The following EFCAB13 variants were observed in gnomAD, a reference collection of about 807,000 sequenced individuals.
EFCAB13 encodes EF-hand calcium-binding domain-containing protein 13.
In EFCAB13, 91 loss-of-function variants were observed where a neutral mutation model predicts 110.2. That is an observed-to-expected ratio of 0.83 (90% CI 0.70 to 0.98). The LOEUF is 0.98. Among genes scored for constraint, EFCAB13 ranks in the 50% least tolerant of loss-of-function variants. The pLI, the probability that EFCAB13 is intolerant of heterozygous loss-of-function variation, is 0.00. For synonymous variants in EFCAB13, 323 were observed against 369.9 expected (o/e 0.87, Z 1.45); for missense variants, 968 against 1,119.4 (o/e 0.86, Z 1.93).
Position 47,440,800 on chromosome 17 carries a change from ATTT to A in EFCAB13, c.*89_*91del. 1 of 1,196,700 alleles carries A rather than the reference ATTT, an allele frequency of 8.4e-7. No individual in the cohort carries two copies. Among genetic ancestry groups the A allele is most frequent in the Non-Finnish European group, 1.1e-6 (1 of 887,740 alleles). The allele number at this position is 1,196,700 out of a possible 1,614,324, so 74.1% of individuals were successfully genotyped here. A position where few individuals can be genotyped will look rare whatever the true frequency, so the allele number is the denominator to read the frequency against. The stretch of plus-strand genomic sequence containing the variant: ...TGACTTCTGAAATTATTAGAAAATA[ATTT>A]TTAAAACTTTTGACAAATCCAGTAG... On this transcript the variant is annotated 3_prime_UTR_variant, in exon 25 of 25. Coordinates refer to ENST00000331493, the MANE Select transcript of EFCAB13 (RefSeq NM_152347.5).
intron 5 of EFCAB13, among the ~76,000 whole-genome samples, chr17:47,339,503 C>T (rs2065371233): frequency 6.6e-6 from 1 of 151,924 alleles, no homozygotes; most frequent in South Asian, 2.1e-4. Context: ...AATCTAATGC[C>T]GCTGCTGATC....
intron 21 of EFCAB13, among the ~76,000 whole-genome samples, chr17:47,412,522 T>G (rs969971613): frequency 3.9e-5 from 6 of 152,234 alleles, no homozygotes; most frequent in African/African-American, 1.2e-4. Context: ...GATGAATGAA[T>G]GAAGACAAAG....
chr17:47,412,101 AAAAC>A (rs899689700), intron 21 of EFCAB13, among the ~76,000 whole-genome samples: 9 of 152,342 alleles, frequency 5.9e-5, no homozygotes, highest in African/African-American at 1.2e-4. Context: ...CTCAAAAACA[AAAAC>A]AAACAGACAA....
chr17:47,397,697 G>A (rs1363414612), intron 17 of EFCAB13, among the ~76,000 whole-genome samples: 2 of 150,584 alleles, frequency 1.3e-5, no homozygotes, highest in African/African-American at 4.9e-5. Context: ...GCCTCTACCC[G>A]GCCGCGACCC....
intron 9 of EFCAB13, among the ~76,000 whole-genome samples, chr17:47,358,854 GTTCT>G (rs530320118): frequency 1.4e-4 from 21 of 152,304 alleles, no homozygotes; most frequent in Non-Finnish European, 3.1e-4. Context: ...AAACCTCACT[GTTCT>G]TATTGAGACT....
Position 47,366,316 on chromosome 17 carries a change from T to TG in EFCAB13, c.806-4121_806-4120insG, listed in dbSNP as rs1241719338. On this transcript the variant is annotated intron_variant, in intron 10 of 24. Coordinates refer to ENST00000331493, the MANE Select transcript of EFCAB13 (RefSeq NM_152347.5). ...TGAAATACTGTATTGGTATAGCAGT[T>TG]TTTTTTTTTTTTCTCTCATGGAGGT... Among the ~76,000 whole-genome samples the TG allele has an allele frequency of 5.7e-4, 83 of 144,958 alleles. No individual in the cohort carries two copies. In the Middle Eastern group the frequency reaches 0.025, roughly 43 times the overall value.
At chr17:47,345,313 T>C (rs946113636) in intron 8 of EFCAB13, among the ~76,000 whole-genome samples, 6 of 152,138 alleles carry the variant, frequency 3.9e-5, no homozygotes, top group African/African-American at 1.4e-4. Context: ...AGGGAAAATA[T>C]AATATGTAGC....
chr17:47,351,300 T>TGTGC (rs1567784751), intron 9 of EFCAB13, among the ~76,000 whole-genome samples: 1 of 110,592 alleles, frequency 9.0e-6, no homozygotes, highest in African/African-American at 2.8e-5. Flanking sequence ...TGTGTGTGTG[T>TGTGC]GTGTGCGCGC....
intron 10 of EFCAB13, among the ~76,000 whole-genome samples, chr17:47,364,746 A>G (rs2065536544): frequency 1.3e-5 from 2 of 152,302 alleles, no homozygotes; most frequent in Non-Finnish European, 2.9e-5. Flanking sequence ...GGGTCTGATC[A>G]TGTTATTCTC....
In EFCAB13 at chr17:47,404,414, G is replaced by A. The variant is rs184131750; in HGVS notation, c.2162-148G>A. On this transcript the variant is annotated intron_variant, in intron 19 of 24. Transcript: ENST00000331493. Reference sequence around the variant, plus strand: ...ACCTACAACATTGTAGGGTTATTGCGAGGCTTAATGGATGAAAATGAATCT... The same window carrying A: ...ACCTACAACATTGTAGGGTTATTGCAAGGCTTAATGGATGAAAATGAATCT... The A allele has an allele frequency of 2.2e-5, 13 of 594,110 alleles. No homozygotes were observed. In the East Asian group the frequency reaches 2.4e-4, roughly 11 times the overall value. The allele number at this position is 594,110 out of a possible 1,614,324, so 36.8% of individuals were successfully genotyped here.
At position 47,328,350 on chromosome 17, in the gene EFCAB13, A is replaced by G; in HGVS notation, c.-4A>G. On this transcript the variant is annotated 5_prime_UTR_variant, in exon 4 of 25. Coordinates refer to ENST00000331493, the MANE Select transcript of EFCAB13 (RefSeq NM_152347.5). ...AAGGACAGAATTTACCTCTAAACAG[A>G]AAGATGGAAACTAAAGTACATTTAT... 6.2e-7 allele frequency: 1 copy of G among 1,605,084 alleles called. No individual in the cohort carries two copies. The highest frequency in any genetic ancestry group is 8.5e-7 in the Non-Finnish European group (1 of 1,173,592).
In EFCAB13 at chr17:47,326,405, A is replaced by G. The variant is rs1298972476; in HGVS notation, c.-86+18A>G. On this transcript the variant is annotated intron_variant, in intron 3 of 24. Transcript: ENST00000331493. ...AAATCTTGGTGAGTAGCTTAGTAGGAAGGGAATTTGTTCATTCATCCCTCT... is the reference window on the plus strand; with the variant it reads ...AAATCTTGGTGAGTAGCTTAGTAGGGAGGGAATTTGTTCATTCATCCCTCT... 6.6e-6 allele frequency: 1 copy of G among 152,092 alleles called. No individual in the cohort carries two copies. Among genetic ancestry groups the G allele is most frequent in the Non-Finnish European group, 1.5e-5 (1 of 68,006 alleles). The allele number at this position is 152,092 out of a possible 1,614,324, so 9.4% of individuals were successfully genotyped here.
intron 7 of EFCAB13, 22 bp downstream of exon 7, chr17:47,344,314 A>C (rs556813827): frequency 6.2e-7 from 1 of 1,603,188 alleles, no homozygotes; most frequent in African/African-American, 1.3e-5. Flanking sequence ...CTTGTACTCT[A>C]TTTTTTAAAT....
intron 17 of EFCAB13, among the ~76,000 whole-genome samples, chr17:47,398,035 G>A (rs184288779): frequency 0.031 from 4,058 of 130,196 alleles, 178 homozygotes; most frequent in Admixed American, 0.067. Context: ...GCCCCTGCCC[G>A]GCCAGCCGCT....
chr17:47,329,331 T>A (rs192269868), intron 4 of EFCAB13, among the ~76,000 whole-genome samples: 1 of 152,104 alleles, frequency 6.6e-6, no homozygotes, highest in Non-Finnish European at 1.5e-5. Context: ...TTTCTGGGAG[T>A]TTAGGGCTCA....
Position 47,434,180 on chromosome 17 carries a change from C to T in EFCAB13, c.2638+4219C>T, listed in dbSNP as rs1390888975. On this transcript the variant is annotated intron_variant, in intron 24 of 24. Transcript: ENST00000331493. ...ACCCTCAAGATTCATCCAAAAAGAT[C>T]CTAGATCTGATAAATGAATTCAGTA... Among the ~76,000 whole-genome samples the T allele has an allele frequency of 3.5e-4, 53 of 151,942 alleles. 1 individual carries two copies.
intron 24 of EFCAB13, among the ~76,000 whole-genome samples, chr17:47,437,867 T>A (rs1395212003): frequency 6.6e-6 from 1 of 152,206 alleles, no homozygotes; most frequent in Non-Finnish European, 1.5e-5. Flanking sequence ...GTATTTTTGT[T>A]TTATAGGTCC....
At chr17:47,349,916 A>AGGTGCCCGCCACCG (rs1391372974) in intron 9 of EFCAB13, among the ~76,000 whole-genome samples, 2 of 151,288 alleles carry the variant, frequency 1.3e-5, no homozygotes, top group African/African-American at 4.8e-5. Flanking sequence ...CTGGGACTAC[A>AGGTGCCCGCCACCG]GGTGCCCGCC....
intron 10 of EFCAB13, among the ~76,000 whole-genome samples, chr17:47,362,996 G>A (rs2065524832): frequency 6.6e-6 from 1 of 152,110 alleles, no homozygotes; most frequent in Non-Finnish European, 1.5e-5. Context: ...TCTTTGTCTT[G>A]TGTCTTTATT....
Sources: allele counts gnomAD v4.1 joint callset (sites outside exome capture counted in the v4.1 genomes callset), GRCh38; gene constraint gnomAD v4.1.1; transcripts MANE v1.5; gene names NCBI Gene and HGNC (gene_info 2026-07-23, HGNC 2026-07-21).